Variants in RBFOX1 observed in about 807,000 individuals in gnomAD.
RBFOX1 encodes the protein RNA binding fox-1 homolog 1, also known as RNA binding protein fox-1 homolog 1.
Under a neutral mutation model 57.7 loss-of-function variants are expected in RBFOX1, and 8 were observed. The observed-to-expected ratio is 0.14, with a 90% CI of 0.08 to 0.25. The LOEUF (loss-of-function observed/expected upper bound fraction) is 0.25, where lower values mean the gene tolerates loss of function less well. Among genes scored for constraint, RBFOX1 ranks in the 10% least tolerant of loss-of-function variants. The pLI, the probability that RBFOX1 is intolerant of heterozygous loss-of-function variation, is 1.00. For synonymous variants in RBFOX1, 326 were observed against 222.4 expected (o/e 1.47, Z -4.15); for missense variants, 611 against 548.5 (o/e 1.11, Z -1.14).
chr16:5,955,945 T>C (rs1416633287), intron 4 of RBFOX1, among the ~76,000 whole-genome samples: 1 of 152,144 alleles, frequency 6.6e-6, no homozygotes, highest in African/African-American at 2.4e-5. Flanking sequence ...TGAGGATATT[T>C]GTAGGGGTGC....
chr16:7,091,261 AAC>A (rs2060804600), intron 4 of RBFOX1, among the ~76,000 whole-genome samples: 1 of 144,394 alleles, frequency 6.9e-6, no homozygotes, highest in Non-Finnish European at 1.5e-5. Context: ...TTTTAATTTT[AAC>A]TTTACTTTTT....
intron 3 of RBFOX1, among the ~76,000 whole-genome samples, chr16:6,869,315 C>G (rs766711280): frequency 1.3e-5 from 2 of 152,128 alleles, no homozygotes; most frequent in Non-Finnish European, 2.9e-5. Context: ...TTGCCACTGC[C>G]AGATGAAGAA....
intron 3 of RBFOX1, among the ~76,000 whole-genome samples, chr16:6,752,958 G>A (rs1411209369): frequency 6.6e-6 from 1 of 151,908 alleles, no homozygotes; most frequent in Non-Finnish European, 1.5e-5. Context: ...ATTGTACTTG[G>A]TTGCTATGGA....
chr16:5,928,014 T>A (rs1181311049), intron 4 of RBFOX1, among the ~76,000 whole-genome samples: 1 of 152,228 alleles, frequency 6.6e-6, no homozygotes, highest in East Asian at 1.9e-4. Context: ...GTTTTAGTGA[T>A]CTGTGGCAGG....
chr16:7,323,921 C>T lies in RBFOX1; in HGVS notation c.28-194226C>T, dbSNP rs538831529. Among the ~76,000 whole-genome samples the T allele has an allele frequency of 2.2e-3, 312 of 143,760 alleles. 1 individual carries two copies. The highest frequency in any genetic ancestry group is 7.5e-3 in the African/African-American group (285 of 37,942). 94.3% of individuals were successfully genotyped at this position (143,760 alleles called of 152,430 possible). ...AATGATGAGTGGATGGGTGGGTAGA[C>T]GGATGGGTGGATGATGAGTGGGTGG... On this transcript the variant is annotated intron_variant, in intron 4 of 15. Coordinates refer to ENST00000550418, the MANE Select transcript of RBFOX1 (RefSeq NM_018723.4).
chr16:5,376,479 G>T (rs182285622), intron 1 of RBFOX1, among the ~76,000 whole-genome samples: 1 of 152,140 alleles, frequency 6.6e-6, no homozygotes, highest in Non-Finnish European at 1.5e-5. Flanking sequence ...GACAGGAGAA[G>T]GGTTAGGGAT....
intron 3 of RBFOX1, among the ~76,000 whole-genome samples, chr16:5,697,762 G>T (rs2050895377): frequency 6.6e-6 from 1 of 152,006 alleles, no homozygotes. Flanking sequence ...TCGAACTCCT[G>T]TCCTCATGAT....
chr16:7,510,433 G>A (rs2152036039), intron 4 of RBFOX1: 1 of 782,272 alleles, frequency 1.3e-6, no homozygotes, highest in Non-Finnish European at 1.6e-6. Flanking sequence ...CTTGAATCAT[G>A]CCCGGGGAAA....
intron 2 of RBFOX1, among the ~76,000 whole-genome samples, chr16:6,495,940 A>C (rs1027671966): frequency 6.6e-6 from 1 of 152,232 alleles, no homozygotes; most frequent in Non-Finnish European, 1.5e-5. Context: ...CGTTCCTCCA[A>C]AGGCATTTTA....
At chr16:6,182,696 A>G (rs1555540354) in intron 1 of RBFOX1, among the ~76,000 whole-genome samples, 1 of 152,218 alleles carries the variant, frequency 6.6e-6, no homozygotes. Context: ...TGCTGATTAA[A>G]TTGCATATTC....
intron 3 of RBFOX1, among the ~76,000 whole-genome samples, chr16:5,640,350 G>T (rs1454918138): frequency 1.3e-5 from 2 of 152,018 alleles, no homozygotes; most frequent in African/African-American, 4.8e-5. Flanking sequence ...CCTGCACATT[G>T]GCACAAGCAT....
At chr16:6,833,987 G>T (rs542843909) in intron 3 of RBFOX1, among the ~76,000 whole-genome samples, 88 of 152,262 alleles carry the variant, frequency 5.8e-4, no homozygotes, top group African/African-American at 2.0e-3. Context: ...GTAGGGTTTG[G>T]ACTGGGTTGT....
intron 4 of RBFOX1, among the ~76,000 whole-genome samples, chr16:5,876,992 G>C (rs772820503): frequency 6.6e-6 from 1 of 152,190 alleles, no homozygotes; most frequent in Admixed American, 6.5e-5. Context: ...TCTAGAACGT[G>C]GTGAGTTAAA....
chr16:6,412,757 C>T (rs553954811), intron 2 of RBFOX1, among the ~76,000 whole-genome samples: 120 of 152,266 alleles, frequency 7.9e-4, no homozygotes, highest in South Asian at 2.9e-3. Context: ...TTAGTTGTCT[C>T]GGAACCATCT....
chr16:6,055,042 A>G (rs2095598105), intron 1 of RBFOX1, among the ~76,000 whole-genome samples: 1 of 152,102 alleles, frequency 6.6e-6, no homozygotes, highest in South Asian at 2.1e-4. Context: ...TGTCCAATGC[A>G]GAATCATGTC....
intron 4 of RBFOX1, among the ~76,000 whole-genome samples, chr16:7,319,835 G>T (rs984817335): frequency 6.6e-6 from 1 of 152,112 alleles, no homozygotes; most frequent in African/African-American, 2.4e-5. Context: ...AGGCCTCTGA[G>T]TTCTAATATC....
intron 10 of RBFOX1, among the ~76,000 whole-genome samples, chr16:7,611,501 C>G (rs565952340): frequency 6.6e-6 from 1 of 151,804 alleles, no homozygotes; most frequent in African/African-American, 2.4e-5. Context: ...ATCACTTGAA[C>G]CTGGGAGGCA....
intron 2 of RBFOX1, among the ~76,000 whole-genome samples, chr16:6,359,582 T>G (rs962548836): frequency 3.3e-5 from 5 of 152,204 alleles, no homozygotes; most frequent in African/African-American, 1.2e-4. Flanking sequence ...GCTTTGCCAC[T>G]GGTGTATGGA....
chr16:7,037,014 C>G (rs1597661862), intron 3 of RBFOX1, among the ~76,000 whole-genome samples: 1 of 152,118 alleles, frequency 6.6e-6, no homozygotes, highest in East Asian at 1.9e-4. Context: ...TATAAACTGT[C>G]ATGGTGCCAG....
Sources: allele counts gnomAD v4.1 joint callset (sites outside exome capture counted in the v4.1 genomes callset), GRCh38; gene constraint gnomAD v4.1.1; transcripts MANE v1.5; gene names NCBI Gene and HGNC (gene_info 2026-07-23, HGNC 2026-07-21).